HMCN1: variants seen among roughly 807,000 people sequenced by gnomAD.
The protein encoded by HMCN1 is hemicentin-1.
Under a neutral mutation model 625.9 loss-of-function variants are expected in HMCN1, and 321 were observed. That is an observed-to-expected ratio of 0.51 (90% CI 0.47 to 0.56). HMCN1 has a LOEUF of 0.56. Among genes scored for constraint, HMCN1 ranks in the 20% least tolerant of loss-of-function variants. HMCN1 has a pLI of 0.00. For synonymous variants in HMCN1, 2,425 were observed against 2,417.6 expected, an observed-to-expected ratio of 1.00 and a Z score of -0.09; for missense variants, 6,588 against 6,887.3, an observed-to-expected ratio of 0.96 and a Z score of 1.54.
intron 71 of HMCN1, among the ~76,000 whole-genome samples, chr1:186,112,138 C>T (rs1660918477): frequency 6.6e-6 from 1 of 152,050 alleles, no homozygotes; most frequent in Non-Finnish European, 1.5e-5. Context: ...TTTGTCTATG[C>T]CTAGTTACAA....
Position 186,112,794 on chromosome 1 carries a change from T to C in HMCN1, c.10990-18T>C. The C allele has an allele frequency of 6.2e-7, 1 of 1,613,972 alleles. No individual in the cohort carries two copies. Among genetic ancestry groups the C allele is most frequent in the South Asian group, 1.1e-5 (1 of 91,066 alleles). On this transcript the variant is annotated intron_variant, in intron 71 of 106. Coordinates refer to ENST00000271588, the MANE Select transcript of HMCN1 (RefSeq NM_031935.3). ...TCCTGACATTTTAACGGCAAATTTC[T>C]TTACTTGCTGAATCCAGGCAACACC...
intron 6 of HMCN1, among the ~76,000 whole-genome samples, chr1:185,914,178 A>C (rs1666576605): frequency 6.6e-6 from 1 of 152,174 alleles, no homozygotes; most frequent in South Asian, 2.1e-4. Context: ...AAATACCAAA[A>C]GAATGTATCA....
chr1:185,809,470 C>T (rs2102242164), intron 1 of HMCN1, among the ~76,000 whole-genome samples: 1 of 151,622 alleles, frequency 6.6e-6, no homozygotes, highest in African/African-American at 2.4e-5. Context: ...CATGTATATA[C>T]ATGTGATTAC....
chr1:185,950,783 A>G (rs1399446358), intron 11 of HMCN1, among the ~76,000 whole-genome samples: 4 of 151,868 alleles, frequency 2.6e-5, no homozygotes, highest in Admixed American at 6.5e-5. Context: ...CATGTTTGAG[A>G]TCCAGAACAG....
At chr1:186,012,325 A>G (rs1198368871) in intron 30 of HMCN1, among the ~76,000 whole-genome samples, 1 of 151,678 alleles carries the variant, frequency 6.6e-6, no homozygotes. Context: ...TTTTTTTCAA[A>G]TTTTCTGAAA....
intron 4 of HMCN1, among the ~76,000 whole-genome samples, chr1:185,894,717 A>G (rs1230368457): frequency 6.6e-6 from 1 of 151,654 alleles, no homozygotes; most frequent in African/African-American, 2.4e-5. Context: ...TATTTTATTT[A>G]TTTTTTTTGT....
In HMCN1 at chr1:186,106,753, A is replaced by T. The variant is rs150768061; in HGVS notation, c.10771-131A>T. On this transcript the variant is annotated intron_variant, in intron 69 of 106. Coordinates refer to ENST00000271588, the MANE Select transcript of HMCN1 (RefSeq NM_031935.3). ...TGCTTTCTATCAGAGTGCTAATCGT[A>T]GTGTTAAACAGTTGGCTTTAATTAT... The T allele has an allele frequency of 1.3e-3, 902 of 719,982 alleles. 2 individuals carry two copies. In the African/African-American group the frequency reaches 0.014, roughly 11 times the overall value. 44.6% of individuals were successfully genotyped at this position (719,982 alleles called of 1,614,324 possible). A position where few individuals can be genotyped will look rare whatever the true frequency, so the allele number is the denominator to read the frequency against.
intron 48 of HMCN1, among the ~76,000 whole-genome samples, chr1:186,064,765 A>G (rs1194812110): frequency 1.4e-5 from 2 of 146,982 alleles, no homozygotes; most frequent in Non-Finnish European, 3.0e-5. Context: ...AGCCGAGATC[A>G]CACCACTGCA....
At chr1:185,757,681 G>A (rs1655220799) in intron 1 of HMCN1, among the ~76,000 whole-genome samples, 1 of 151,976 alleles carries the variant, frequency 6.6e-6, no homozygotes, top group Admixed American at 6.5e-5. Context: ...TAGAGTACAA[G>A]TTTCATCTAT....
At chr1:185,775,538 G>T (rs956856583) in intron 1 of HMCN1, among the ~76,000 whole-genome samples, 20 of 152,204 alleles carry the variant, frequency 1.3e-4, no homozygotes, top group African/African-American at 4.8e-4. Flanking sequence ...TAGGAGGTTG[G>T]TCACATATAA....
intron 94 of HMCN1, 107 bp from the exon 95 acceptor site, chr1:186,151,499 G>T: frequency 7.6e-7 from 1 of 1,318,072 alleles, no homozygotes. Flanking sequence ...ATTTGTTTCT[G>T]GTATTCAACA....
chr1:185,973,239 C>G (rs1351524839), intron 15 of HMCN1, among the ~76,000 whole-genome samples: 1 of 152,116 alleles, frequency 6.6e-6, no homozygotes, highest in African/African-American at 2.4e-5. Flanking sequence ...AAACATGTAT[C>G]ATGTAAATGA....
intron 1 of HMCN1, among the ~76,000 whole-genome samples, chr1:185,738,461 G>C (rs528705658): frequency 1.3e-5 from 2 of 152,242 alleles, no homozygotes; most frequent in African/African-American, 4.8e-5. Flanking sequence ...CATTTTCAAG[G>C]TTCATCCATG....
At position 186,182,228 on chromosome 1, in the gene HMCN1, G is replaced by A; in HGVS notation, c.16355G>A (p.Ser5452Asn). The change falls in exon 105 of 107, where the codon AGT (serine) becomes AAT (asparagine). Residue 5452 changes from serine to asparagine, a missense_variant. Ser to Asn is a conservative substitution (Grantham distance 46). This residue lies in a region of HMCN1 where 1,954 missense variants were observed against 2,013.1 expected (regional missense o/e 0.97). Transcript: ENST00000271588. ...CATGAGTGTAAGAATACCTTTGGAA[G>A]TTATCAGTGCATCTGCCCACCTGGC... ...CQHECKNTFG[S>N]YQCICPPGYQ... 1 of 1,613,510 alleles carries A rather than the reference G, an allele frequency of 6.2e-7. No individual in the cohort carries two copies. The highest frequency in any genetic ancestry group is 8.5e-7 in the Non-Finnish European group (1 of 1,179,508).
chr1:186,038,757 G>A lies in HMCN1; in HGVS notation c.5852-72G>A, dbSNP rs551886959. 2.9e-5 allele frequency: 24 copies of A among 837,386 alleles called. No individual in the cohort carries two copies. In the East Asian group the frequency reaches 3.0e-4, roughly 11 times the overall value. The allele number at this position is 837,386 out of a possible 1,614,324, so 51.9% of individuals were successfully genotyped here. On this transcript the variant is annotated intron_variant, in intron 37 of 106. Transcript: ENST00000271588. The stretch of plus-strand genomic sequence containing the variant: ...ATAAGAATAAAGTAATAGTGACTTA[G>A]CTAAGATCCAACTTAGTATATTTAA...
intron 40 of HMCN1, among the ~76,000 whole-genome samples, chr1:186,044,755 T>C (rs761199760): frequency 1.3e-5 from 2 of 152,148 alleles, no homozygotes; most frequent in Non-Finnish European, 2.9e-5. Flanking sequence ...TATTGGAGTG[T>C]AACAGGCTCA....
chr1:185,939,863 A>C (rs1451104326), intron 11 of HMCN1, among the ~76,000 whole-genome samples: 1 of 152,200 alleles, frequency 6.6e-6, no homozygotes, highest in African/African-American at 2.4e-5. Context: ...ACAGCACTTA[A>C]GATAAAAATA....
At chr1:185,998,318 G>A (rs1421688428) in intron 25 of HMCN1, among the ~76,000 whole-genome samples, 2 of 152,152 alleles carry the variant, frequency 1.3e-5, no homozygotes, top group African/African-American at 2.4e-5. Context: ...TTCCTGGGCA[G>A]CGGCAACTGA....
chr1:186,141,556 A>G (rs6658106), intron 89 of HMCN1, among the ~76,000 whole-genome samples: 14,376 of 152,182 alleles, frequency 0.094, 1,881 homozygotes, highest in African/African-American at 0.29. Context: ...ATTGAGAATC[A>G]TTGTCATTAA....
Sources: gnomAD v4.1 joint callset for allele counts (sites outside exome capture counted in the v4.1 genomes callset) on GRCh38, gnomAD v4.1.1 for gene constraint, gnomAD v4.1.1 regional missense constraint, MANE v1.5 for transcripts, NCBI Gene and HGNC (gene_info 2026-07-23, HGNC 2026-07-21) for gene names.